CNGB3: variants seen among roughly 807,000 people sequenced by gnomAD.
The protein encoded by CNGB3 is cyclic nucleotide-gated channel beta-3.
In CNGB3, 86 loss-of-function variants were observed where a neutral mutation model predicts 92.8. That is an observed-to-expected ratio of 0.93 (90% CI 0.78 to 1.11). The LOEUF (loss-of-function observed/expected upper bound fraction) is 1.11. Among genes scored for constraint, CNGB3 ranks in the 50% least tolerant of loss-of-function variants. The probability of loss-of-function intolerance (pLI) is 0.00; values close to 1 mark genes in which losing one functional copy is unlikely to be tolerated. For missense variants in CNGB3, 1,026 were observed against 956.8 expected (o/e 1.07, Z -0.95); for synonymous variants, 333 against 332.7 (o/e 1.00, Z -0.01).
At chr8:86,644,948 A>G (rs1233781558) in intron 8 of CNGB3, among the ~76,000 whole-genome samples, 2 of 151,178 alleles carry the variant, frequency 1.3e-5, no homozygotes, top group Non-Finnish European at 3.0e-5. Context: ...TGAAAATGAA[A>G]CTTAAAAAAC....
intron 3 of CNGB3, among the ~76,000 whole-genome samples, chr8:86,706,172 A>C (rs1414313269): frequency 6.6e-6 from 1 of 152,210 alleles, no homozygotes. Context: ...GTACTTTTCC[A>C]GGTCTCATTA....
At chr8:86,664,733 C>A (rs1365028857) in intron 6 of CNGB3, among the ~76,000 whole-genome samples, 2 of 151,954 alleles carry the variant, frequency 1.3e-5, no homozygotes, top group Non-Finnish European at 2.9e-5. Context: ...ATGAATTTGG[C>A]AAGTAAAGAA....
At chr8:86,649,222 A>G (rs1179183789) in intron 7 of CNGB3, among the ~76,000 whole-genome samples, 1 of 151,714 alleles carries the variant, frequency 6.6e-6, no homozygotes, top group Non-Finnish European at 1.5e-5. Context: ...AAGGATCAAT[A>G]TTGTAAAAAT....
intron 6 of CNGB3, among the ~76,000 whole-genome samples, chr8:86,663,273 G>T (rs1005691137): frequency 5.9e-5 from 9 of 152,190 alleles, no homozygotes; most frequent in Non-Finnish European, 1.2e-4. Context: ...AAAGGGCTGT[G>T]CATGTGAGTG....
chr8:86,606,263 A>C (rs1186067130), intron 14 of CNGB3, among the ~76,000 whole-genome samples: 2 of 145,184 alleles, frequency 1.4e-5, no homozygotes, highest in Admixed American at 1.4e-4. Context: ...TGATCCTCCC[A>C]CCTCAGCCTC....
chr8:86,593,978 T>A (rs1039159721), intron 15 of CNGB3: 3 of 468,260 alleles, frequency 6.4e-6, no homozygotes, highest in Non-Finnish European at 1.2e-5. Flanking sequence ...CGAGAACTTG[T>A]TGAACATCAT....
intron 3 of CNGB3, among the ~76,000 whole-genome samples, chr8:86,678,125 G>A (rs1286436255): frequency 2.0e-5 from 3 of 152,038 alleles, no homozygotes; most frequent in Non-Finnish European, 1.5e-5. Flanking sequence ...AAAGGAGCAC[G>A]TCCTTTTTCT....
intron 3 of CNGB3, among the ~76,000 whole-genome samples, chr8:86,690,344 G>A (rs1234583786): frequency 6.6e-6 from 1 of 152,128 alleles, no homozygotes. Context: ...TGTGTTTTTG[G>A]CTGCATAAAT....
chr8:86,585,831 A>G (rs1167681347), intron 15 of CNGB3, among the ~76,000 whole-genome samples: 1 of 152,206 alleles, frequency 6.6e-6, no homozygotes, highest in Non-Finnish European at 1.5e-5. Flanking sequence ...AGTAAAGGCT[A>G]TGAATCACTT....
At chr8:86,690,176 C>T (rs1824280884) in intron 3 of CNGB3, among the ~76,000 whole-genome samples, 1 of 152,204 alleles carries the variant, frequency 6.6e-6, no homozygotes, top group Non-Finnish European at 1.5e-5. Flanking sequence ...TACAGTCCCA[C>T]CAACAGTGTG....
chr8:86,694,219 G>A (rs1168995671), intron 3 of CNGB3, among the ~76,000 whole-genome samples: 10 of 142,048 alleles, frequency 7.0e-5, no homozygotes, highest in East Asian at 2.2e-4. Context: ...CTGGCCGGGC[G>A]GGGGGCTGAC....
intron 3 of CNGB3, among the ~76,000 whole-genome samples, chr8:86,726,153 C>G (rs998296169): frequency 1.4e-4 from 22 of 152,114 alleles, no homozygotes; most frequent in Admixed American, 2.6e-4. Context: ...AAAATATTCA[C>G]AGAATTGGAA....
chr8:86,624,883 C>T (rs553775781), intron 13 of CNGB3, among the ~76,000 whole-genome samples: 1 of 152,220 alleles, frequency 6.6e-6, no homozygotes, highest in Admixed American at 6.5e-5. Flanking sequence ...ATGAATGGTT[C>T]AGCACCATCC....
chr8:86,592,324 G>A (rs1036063325), intron 15 of CNGB3, among the ~76,000 whole-genome samples: 3 of 152,218 alleles, frequency 2.0e-5, no homozygotes, highest in African/African-American at 7.2e-5. Flanking sequence ...GCTGGGAGCT[G>A]TAGACTGGAA....
At chr8:86,600,082 A>T (rs6471426) in intron 15 of CNGB3, among the ~76,000 whole-genome samples, 36 of 152,124 alleles carry the variant, frequency 2.4e-4, no homozygotes, top group Non-Finnish European at 1.5e-5. Flanking sequence ...CAGACCAGCC[A>T]ACACTTAGGG....
chr8:86,639,706 A>G (rs6998936), intron 10 of CNGB3, among the ~76,000 whole-genome samples: 9,127 of 152,188 alleles, frequency 0.06, 312 homozygotes, highest in South Asian at 0.11. Context: ...TAAAAAAACT[A>G]TTAGGATAAG....
intron 3 of CNGB3, among the ~76,000 whole-genome samples, chr8:86,722,853 G>T (rs1472797170): frequency 3.3e-5 from 5 of 152,036 alleles, no homozygotes; most frequent in African/African-American, 1.2e-4. Context: ...TGGCTCTTCT[G>T]GTTCTCAGGC....
chr8:86,599,901 T>C (rs941222253), intron 15 of CNGB3, among the ~76,000 whole-genome samples: 5 of 152,190 alleles, frequency 3.3e-5, no homozygotes, highest in African/African-American at 1.2e-4. Flanking sequence ...AAGCATGTGA[T>C]CTCTGTGACC....
At chr8:86,657,992 G>A (rs771490204) in intron 6 of CNGB3, 29 of 546,340 alleles carry the variant, frequency 5.3e-5, no homozygotes, top group Admixed American at 3.4e-4. Flanking sequence ...ATGCAGCGAC[G>A]TTCCAGTTTT....
Sources: gnomAD v4.1 joint callset for allele counts (sites outside exome capture counted in the v4.1 genomes callset) on GRCh38, gnomAD v4.1.1 for gene constraint, MANE v1.5 for transcripts, NCBI Gene and HGNC (gene_info 2026-07-23, HGNC 2026-07-21) for gene names.